The following CNTNAP2 variants were observed in gnomAD, a reference collection of about 807,000 sequenced individuals.
CNTNAP2 encodes contactin associated protein 2.
CNTNAP2 carries 98 observed loss-of-function variants against 155.2 expected under a neutral mutation model. That is an observed-to-expected ratio of 0.63 (90% CI 0.54 to 0.75). The LOEUF is 0.75. Ranked by LOEUF, CNTNAP2 falls within the 30% of genes least tolerant of loss-of-function variation. The probability of loss-of-function intolerance (pLI) is 0.00; values close to 1 mark genes in which losing one functional copy is unlikely to be tolerated. For missense variants in CNTNAP2, 1,727 were observed against 1,688.1 expected (o/e 1.02, Z -0.40); for synonymous variants, 651 against 631.2 (o/e 1.03, Z -0.47).
At chr7:148,402,559 T>A (rs571610407) in intron 22 of CNTNAP2, among the ~76,000 whole-genome samples, 1 of 152,312 alleles carries the variant, frequency 6.6e-6, no homozygotes, top group African/African-American at 2.4e-5. Flanking sequence ...ATATCAATAG[T>A]GAATGGCTAA....
rs140141376 is a variant in CNTNAP2, at chr7:148,105,687, A to G, written c.2384-12431A>G. 3.7e-3 allele frequency among the ~76,000 whole-genome samples: 559 copies of G among 151,996 alleles called. 3 individuals carry two copies. Among genetic ancestry groups the G allele is most frequent in the African/African-American group, 0.013 (541 of 41,440 alleles). On this transcript the variant is annotated intron_variant, in intron 15 of 23. Coordinates refer to ENST00000361727, the MANE Select transcript of CNTNAP2 (RefSeq NM_014141.6). ...ACCACAACCTCCACCTCCCAGGTTC[A>G]AGTGATTCTCCTGCCTCATCTCCCA...
chr7:146,164,186 T>G (rs926444588), intron 1 of CNTNAP2, among the ~76,000 whole-genome samples: 1 of 152,192 alleles, frequency 6.6e-6, no homozygotes, highest in Non-Finnish European at 1.5e-5. Flanking sequence ...TTTCTCTTTT[T>G]AAGGTTTGCT....
intron 1 of CNTNAP2, among the ~76,000 whole-genome samples, chr7:146,603,103 A>G (rs945324056): frequency 2.0e-5 from 3 of 151,540 alleles, no homozygotes; most frequent in Admixed American, 6.6e-5. Context: ...AAATATATTT[A>G]GTACATGTAA....
intron 1 of CNTNAP2, among the ~76,000 whole-genome samples, chr7:146,353,737 G>T (rs1005240458): frequency 2.0e-5 from 3 of 151,990 alleles, no homozygotes; most frequent in Non-Finnish European, 4.4e-5. Flanking sequence ...AAAGGTAGTA[G>T]CAGCACTGGG....
chr7:146,469,095 A>G (rs1218042982), intron 1 of CNTNAP2, among the ~76,000 whole-genome samples: 1 of 152,212 alleles, frequency 6.6e-6, no homozygotes, highest in Non-Finnish European at 1.5e-5. Flanking sequence ...GCAAAGTAAT[A>G]TGCAGCATCC....
At chr7:147,495,828 G>C (rs755386128) in intron 11 of CNTNAP2, among the ~76,000 whole-genome samples, 1 of 152,110 alleles carries the variant, frequency 6.6e-6, no homozygotes, top group Non-Finnish European at 1.5e-5. Flanking sequence ...GGCCTTTTAG[G>C]AACTGGGCCA....
At chr7:148,057,009 C>G (rs1214123894) in intron 15 of CNTNAP2, among the ~76,000 whole-genome samples, 1 of 152,206 alleles carries the variant, frequency 6.6e-6, no homozygotes, top group Non-Finnish European at 1.5e-5. Context: ...ATTTCCATCA[C>G]TTGCCTTTAG....
At position 147,949,458 on chromosome 7, in the gene CNTNAP2, A is replaced by ATATATATATATATTTTT. The variant is rs1433579404; in HGVS notation, c.2256-28403_2256-28402insATATATATATATTTTTT. ...ACTGTGTGTATATATATATATATATATTTTTTTTTTTTAGGTTTATTGCAG... is the reference window on the plus strand; with the variant it reads ...ACTGTGTGTATATATATATATATATATATATATATATATTTTTTTTTTTTTTTTTAGGTTTATTGCAG... On this transcript the variant is annotated intron_variant, in intron 14 of 23. Coordinates refer to ENST00000361727, the MANE Select transcript of CNTNAP2 (RefSeq NM_014141.6). Among the ~76,000 whole-genome samples, 23 of 137,402 alleles carry ATATATATATATATTTTT rather than the reference A, an allele frequency of 1.7e-4. No homozygotes were observed. The East Asian group carries it at 4.0e-3, about 24-fold the overall frequency. The allele number at this position is 137,402 out of a possible 152,430, so 90.1% of individuals were successfully genotyped here.
intron 1 of CNTNAP2, among the ~76,000 whole-genome samples, chr7:146,640,576 T>C (rs344485): frequency 0.03 from 4,517 of 152,302 alleles, 237 homozygotes; most frequent in African/African-American, 0.1. Context: ...ATGAGAATTA[T>C]TGTGTTTATT....
chr7:147,925,614 C>A (rs1233729626), intron 14 of CNTNAP2, among the ~76,000 whole-genome samples: 1 of 151,858 alleles, frequency 6.6e-6, no homozygotes, highest in Non-Finnish European at 1.5e-5. Context: ...CTACAGGCGC[C>A]CGCCACTCGG....
chr7:147,033,160 G>GTATATATATATA (rs3081742), intron 3 of CNTNAP2, among the ~76,000 whole-genome samples: 31 of 90,828 alleles, frequency 3.4e-4, no homozygotes, highest in Non-Finnish European at 5.0e-4. Flanking sequence ...ATATATATAT[G>GTATATATATATA]TATATATATA....
At position 148,417,363 on chromosome 7, in the gene CNTNAP2, A is replaced by G. The variant is rs1800018189; in HGVS notation, c.*1747A>G. 6.6e-6 allele frequency: 1 copy of G among 152,652 alleles called. No homozygotes were observed. 9.5% of individuals were successfully genotyped at this position (152,652 alleles called of 1,614,324 possible). On this transcript the variant is annotated 3_prime_UTR_variant, in exon 24 of 24. Coordinates refer to ENST00000361727, the MANE Select transcript of CNTNAP2 (RefSeq NM_014141.6). ...GGCACATTACACCAGTACAGAGCAC[A>G]TTCCAAAGGAGACATTGGACCAGTT...
intron 22 of CNTNAP2, among the ~76,000 whole-genome samples, chr7:148,398,189 G>C (rs946210735): frequency 3.3e-5 from 5 of 152,198 alleles, no homozygotes; most frequent in African/African-American, 1.2e-4. Context: ...CTGGTCAGCT[G>C]TCTGTGGTCT....
At chr7:148,270,544 A>G (rs10464462) in intron 21 of CNTNAP2, among the ~76,000 whole-genome samples, 55,905 of 152,136 alleles carry the variant, frequency 0.37, 11,795 homozygotes, top group East Asian at 0.62. Context: ...TAGTTCCACC[A>G]TATACTAACA....
At chr7:146,731,976 A>G (rs1295508891) in intron 1 of CNTNAP2, among the ~76,000 whole-genome samples, 2 of 152,294 alleles carry the variant, frequency 1.3e-5, no homozygotes, top group East Asian at 3.9e-4. Flanking sequence ...TAGAGAATAG[A>G]GTGATATCTA....
intron 1 of CNTNAP2, among the ~76,000 whole-genome samples, chr7:146,560,370 CAT>C (rs1481027600): frequency 4.6e-5 from 7 of 151,318 alleles, no homozygotes; most frequent in African/African-American, 1.7e-4. Context: ...TGTTTATATA[CAT>C]ATATATGTGT....
intron 1 of CNTNAP2, among the ~76,000 whole-genome samples, chr7:146,157,952 A>T (rs1171229073): frequency 1.3e-5 from 2 of 152,038 alleles, no homozygotes; most frequent in Non-Finnish European, 1.5e-5. Context: ...TGGGTCTCTG[A>T]CCCCCGAGTA....
chr7:148,408,279 A>C lies in CNTNAP2; in HGVS notation c.3716-1112A>C, dbSNP rs60180014. ...TGCCCCCGCCCCACACACACACAAA[A>C]AAAGAATATCAAGTCTAAAAGAGAA... On this transcript the variant is annotated intron_variant, in intron 22 of 23. Coordinates refer to ENST00000361727, the MANE Select transcript of CNTNAP2 (RefSeq NM_014141.6). Among the ~76,000 whole-genome samples the C allele has an allele frequency of 2.3e-4, 35 of 152,272 alleles. No homozygotes were observed. In the East Asian group the frequency reaches 4.4e-3, roughly 19 times the overall value.
At chr7:147,331,481 G>A (rs1012996608) in intron 9 of CNTNAP2, among the ~76,000 whole-genome samples, 4 of 152,064 alleles carry the variant, frequency 2.6e-5, no homozygotes, top group Non-Finnish European at 5.9e-5. Flanking sequence ...CACCAATACA[G>A]CATTAGCCGT....
Sources: allele counts gnomAD v4.1 joint callset (sites outside exome capture counted in the v4.1 genomes callset), GRCh38; gene constraint gnomAD v4.1.1; transcripts MANE v1.5; gene names NCBI Gene and HGNC (gene_info 2026-07-23, HGNC 2026-07-21).